Variants in COL23A1 observed in about 807,000 individuals in gnomAD.
COL23A1 encodes the protein collagen type XXIII alpha 1 chain, also known as collagen alpha-1(XXIII) chain.
In COL23A1, 97 loss-of-function variants were observed where a neutral mutation model predicts 99.3. That is an observed-to-expected ratio of 0.98 (90% CI 0.83 to 1.16). COL23A1 has a LOEUF of 1.16. COL23A1 is among the 50% of genes most tolerant of loss of function. COL23A1 has a pLI of 0.00. For missense variants in COL23A1, 762 were observed against 757.4 expected (o/e 1.01, Z -0.07); for synonymous variants, 320 against 308.2 (o/e 1.04, Z -0.40).
chr5:178,247,705 G>A, intron 21 of COL23A1, 70 bp downstream of exon 21: 1 of 1,556,252 alleles, frequency 6.4e-7, no homozygotes, highest in Non-Finnish European at 8.8e-7. Flanking sequence ...CATGGCTCTG[G>A]GACCTAGCCC....
At position 178,367,838 on chromosome 5, in the gene COL23A1, C is replaced by T. The variant is rs531884224; in HGVS notation, c.362-60919G>A. ...CGTGAGTCCAGGCTTCCCAGAGGTA[C>T]GGGCTGCCACCCTTCAGGCCGTGGC... On this transcript the variant is annotated intron_variant, in intron 2 of 28. Transcript: ENST00000390654. Among the ~76,000 whole-genome samples the T allele has an allele frequency of 3.5e-4, 53 of 152,342 alleles. 1 individual carries two copies. The highest frequency in any genetic ancestry group is 1.2e-3 in the South Asian group (6 of 4,826).
At chr5:178,587,718 T>C (rs773700128) in intron 1 of COL23A1, among the ~76,000 whole-genome samples, 24 of 152,214 alleles carry the variant, frequency 1.6e-4, no homozygotes, top group Non-Finnish European at 2.9e-4. Context: ...AAAGTATCTA[T>C]ACATCTAATT....
At chr5:178,305,161 C>T (rs926060474) in intron 3 of COL23A1, among the ~76,000 whole-genome samples, 1 of 152,184 alleles carries the variant, frequency 6.6e-6, no homozygotes. Context: ...TGATTACACA[C>T]AGAAGCCAGG....
At position 178,590,072 on chromosome 5, in the gene COL23A1, C is replaced by T; in HGVS notation, c.126G>A (p.Leu42=). 7.5e-7 allele frequency: 1 copy of T among 1,327,994 alleles called. No individual in the cohort carries two copies. The highest frequency in any genetic ancestry group is 9.7e-7 in the Non-Finnish European group (1 of 1,035,084). 82.3% of individuals were successfully genotyped at this position (1,327,994 alleles called of 1,614,324 possible). The change falls in exon 1 of 29, where the codon CTG becomes CTA. Residue 42 remains leucine (L), a synonymous_variant. Coordinates refer to ENST00000390654, the MANE Select transcript of COL23A1 (RefSeq NM_173465.4). This position sits in a 1 kb window ranked among gnomAD's most constrained non-coding sequence, Gnocchi z 5.7. The part of the protein sequence containing the change: ...GSRAVSALCL[L]LSVGSAAACL... ...AGGCAGCCGCCGAGCCCACGGAGAG[C>T]AGCAGGCACAGCGCGCTCACCGCCC...
At chr5:178,455,822 C>A (rs1767756974) in intron 2 of COL23A1, among the ~76,000 whole-genome samples, 1 of 152,002 alleles carries the variant, frequency 6.6e-6, no homozygotes, top group Non-Finnish European at 1.5e-5. Flanking sequence ...GCTCGCCCGC[C>A]CATCAGGAGG....
intron 2 of COL23A1, among the ~76,000 whole-genome samples, chr5:178,315,270 C>T (rs1758916685): frequency 6.6e-6 from 1 of 152,206 alleles, no homozygotes; most frequent in Non-Finnish European, 1.5e-5. Flanking sequence ...CCAAGAGCAT[C>T]TCCCCAAGGG....
chr5:178,552,931 ATCT>A (rs1762080355), intron 2 of COL23A1, among the ~76,000 whole-genome samples: 1 of 151,934 alleles, frequency 6.6e-6, no homozygotes, highest in Non-Finnish European at 1.5e-5. Context: ...GATGGTCTTG[ATCT>A]TCTGACCTTG....
intron 9 of COL23A1, 109 bp downstream of exon 9, chr5:178,263,099 T>G: frequency 1.2e-6 from 1 of 833,834 alleles, no homozygotes; most frequent in Non-Finnish European, 2.1e-6. Context: ...GGGTTAAGGA[T>G]AGTGTGGGGT....
chr5:178,406,957 T>C (rs1485533905), intron 2 of COL23A1, among the ~76,000 whole-genome samples: 1 of 152,214 alleles, frequency 6.6e-6, no homozygotes, highest in Non-Finnish European at 1.5e-5. Flanking sequence ...CTAGACATTA[T>C]ATATACATAT....
At chr5:178,424,873 G>T (rs1012955373) in intron 2 of COL23A1, among the ~76,000 whole-genome samples, 3 of 152,196 alleles carry the variant, frequency 2.0e-5, no homozygotes, top group Admixed American at 6.5e-5. Context: ...ACACAGAGGG[G>T]GTTCAGTAAG....
chr5:178,546,522 G>A (rs1489764448), intron 2 of COL23A1, among the ~76,000 whole-genome samples: 1 of 152,158 alleles, frequency 6.6e-6, no homozygotes, highest in African/African-American at 2.4e-5. Flanking sequence ...CTGGCCGTCT[G>A]CCCCCCAGAG....
At chr5:178,555,640 T>C (rs1259310611) in intron 2 of COL23A1, among the ~76,000 whole-genome samples, 1 of 152,196 alleles carries the variant, frequency 6.6e-6, no homozygotes, top group African/African-American at 2.4e-5. Context: ...CTGATGCTTG[T>C]AACCCAAAGA....
At chr5:178,491,180 A>G (rs1757915972) in intron 2 of COL23A1, among the ~76,000 whole-genome samples, 1 of 151,978 alleles carries the variant, frequency 6.6e-6, no homozygotes, top group African/African-American at 2.4e-5. Context: ...GAGAGAGAAG[A>G]GAACGAGGAG....
chr5:178,387,334 C>T lies in COL23A1; in HGVS notation c.362-80415G>A, dbSNP rs1763726769. Among the ~76,000 whole-genome samples, 1 of 152,156 alleles carries T rather than the reference C, an allele frequency of 6.6e-6. No individual in the cohort carries two copies. The highest frequency in any genetic ancestry group is 1.5e-5 in the Non-Finnish European group (1 of 68,036). ...TCCACATGCCCTTCAAATGTCCAGC[C>T]CTGGTCAAACTGACCCGCTCACAAG... On this transcript the variant is annotated intron_variant, in intron 2 of 28. Transcript: ENST00000390654. The surrounding 1 kb of genome is among the most constrained non-coding windows in gnomAD (Gnocchi z 4.7).
At chr5:178,490,174 C>T in intron 2 of COL23A1, among the ~76,000 whole-genome samples, 1 of 150,624 alleles carries the variant, frequency 6.6e-6, no homozygotes, top group South Asian at 2.1e-4. Flanking sequence ...TGCAGTAAGC[C>T]GAGATCACAC....
At position 178,242,361 on chromosome 5, in the gene COL23A1, G is replaced by C. The variant is rs201802684; in HGVS notation, c.1474C>G (p.Arg492Gly). 3.1e-5 allele frequency: 50 copies of C among 1,613,880 alleles called. 1 individual carries two copies. The highest frequency in any genetic ancestry group is 1.7e-5 in the Admixed American group (1 of 59,986). Residue 492 changes from arginine to glycine, a missense_variant, in exon 26 of 29, where the codon CGG becomes GGG. Transcript: ENST00000390654. ...CTCACCTTCTCTCCACGCTCGCTCC[G>C]ATCACCTTTCTCTCCTCGGGGTCCA... The part of the protein sequence containing the change: ...FPGPRGEKGD[R>G]SERGEKGERG...
chr5:178,434,795 C>T lies in COL23A1; in HGVS notation c.361+125887G>A, dbSNP rs1270954966. ...GCTGTGGGGTATCATTTTCTTAGGG[C>T]CCCAGTGCTAGAGCTTAATGGAGAT... is the stretch of plus-strand genomic sequence containing the variant. On this transcript the variant is annotated intron_variant, in intron 2 of 28. Transcript: ENST00000390654. The surrounding 1 kb of genome is among the most constrained non-coding windows in gnomAD (Gnocchi z 4.3). 6.6e-6 allele frequency among the ~76,000 whole-genome samples: 1 copy of T among 152,216 alleles called. No individual in the cohort carries two copies. The highest frequency in any genetic ancestry group is 2.1e-4 in the South Asian group (1 of 4,830).
intron 1 of COL23A1, among the ~76,000 whole-genome samples, chr5:178,586,159 G>T (rs1425515671): frequency 6.6e-6 from 1 of 152,218 alleles, no homozygotes; most frequent in East Asian, 1.9e-4. Flanking sequence ...GACAGACCCA[G>T]GATGCGCTGA....
At chr5:178,470,299 C>T (rs902717971) in intron 2 of COL23A1, among the ~76,000 whole-genome samples, 2 of 152,226 alleles carry the variant, frequency 1.3e-5, no homozygotes, top group African/African-American at 2.4e-5. Flanking sequence ...TGGCTCCACG[C>T]CCCCTGCCCC....
Sources: gnomAD v4.1 joint callset for allele counts (sites outside exome capture counted in the v4.1 genomes callset) on GRCh38, gnomAD v4.1.1 for gene constraint, Gnocchi (gnomAD v3.1) non-coding constraint, MANE v1.5 for transcripts, NCBI Gene and HGNC (gene_info 2026-07-23, HGNC 2026-07-21) for gene names.